The following EIF4H variants were observed in gnomAD, a reference collection of about 807,000 sequenced individuals.
EIF4H encodes the protein Williams-Beuren syndrome chromosome region 1.
Under a neutral mutation model 30.6 loss-of-function variants are expected in EIF4H, and 8 were observed. That is an observed-to-expected ratio of 0.26 (90% CI 0.15 to 0.47). The LOEUF is 0.47. Ranked by LOEUF, EIF4H falls within the 20% of genes least tolerant of loss-of-function variation. The pLI, the probability that EIF4H is intolerant of heterozygous loss-of-function variation, is 0.99. For synonymous variants in EIF4H, 106 were observed against 122.7 expected, an observed-to-expected ratio of 0.86 and a Z score of 0.90; for missense variants, 188 against 339.5, an observed-to-expected ratio of 0.55 and a Z score of 3.51.
intron 5 of EIF4H, among the ~76,000 whole-genome samples, chr7:74,194,092 G>A (rs577330647): frequency 6.6e-6 from 1 of 152,322 alleles, no homozygotes; most frequent in South Asian, 2.1e-4. Flanking sequence ...AATGAATGGG[G>A]AAAGAACGCT....
intron 1 of EIF4H, chr7:74,183,878 C>G (rs1801021953): frequency 6.6e-6 from 1 of 152,392 alleles, no homozygotes; most frequent in East Asian, 1.9e-4. Context: ...CTCCATGGCC[C>G]AGCCCTGCTG....
intron 1 of EIF4H, among the ~76,000 whole-genome samples, chr7:74,180,851 A>G (rs1321759434): frequency 3.3e-5 from 5 of 152,346 alleles, no homozygotes; most frequent in African/African-American, 1.2e-4. Context: ...AAAGGATTAC[A>G]TCTTGGCCTT....
intron 5 of EIF4H, among the ~76,000 whole-genome samples, chr7:74,193,254 G>A (rs1046802490): frequency 1.2e-4 from 18 of 152,182 alleles, no homozygotes; most frequent in Admixed American, 3.9e-4. Context: ...GACACTCATC[G>A]TGAAAAGACT....
At chr7:74,174,831 C>T (rs1355250977) in intron 1 of EIF4H, among the ~76,000 whole-genome samples, 2 of 152,246 alleles carry the variant, frequency 1.3e-5, no homozygotes, top group East Asian at 1.9e-4. Context: ...TGCCCCGCTC[C>T]GGTCCCGGCC....
chr7:74,189,017 C>T (rs183453231), intron 2 of EIF4H, among the ~76,000 whole-genome samples: 2 of 152,034 alleles, frequency 1.3e-5, no homozygotes, highest in Admixed American at 6.6e-5. Context: ...AGGGCAAGGA[C>T]GCTGGGGGAG....
At chr7:74,181,324 CT>C (rs1800955999) in intron 1 of EIF4H, among the ~76,000 whole-genome samples, 1 of 152,064 alleles carries the variant, frequency 6.6e-6, no homozygotes, top group Non-Finnish European at 1.5e-5. Context: ...TAATCCTCAT[CT>C]TTGTGTTGGT....
intron 1 of EIF4H, among the ~76,000 whole-genome samples, chr7:74,176,825 A>C (rs1800852940): frequency 6.6e-6 from 1 of 152,194 alleles, no homozygotes; most frequent in African/African-American, 2.4e-5. Context: ...CAAAATTCCA[A>C]ATGATCAAGA....
At position 74,197,007 on chromosome 7, in the gene EIF4H, T is replaced by A. The variant is rs1157450219; in HGVS notation, c.*1699T>A. 1 of 152,478 alleles carries A rather than the reference T, an allele frequency of 6.6e-6. No individual in the cohort carries two copies. Among genetic ancestry groups the A allele is most frequent in the Non-Finnish European group, 1.5e-5 (1 of 67,994 alleles). The allele number at this position is 152,478 out of a possible 1,614,324, so 9.4% of individuals were successfully genotyped here. A position where few individuals can be genotyped will look rare whatever the true frequency, so the allele number is the denominator to read the frequency against. ...AATGTAAGAATGGAATTCCAAACAC[T>A]TAACACATTCAGCTATATGACAGAA... On this transcript the variant is annotated 3_prime_UTR_variant, in exon 7 of 7. Coordinates refer to ENST00000265753, the MANE Select transcript of EIF4H (RefSeq NM_022170.2).
At chr7:74,191,655 G>T (rs1554709981) in intron 5 of EIF4H, among the ~76,000 whole-genome samples, 1 of 152,110 alleles carries the variant, frequency 6.6e-6, no homozygotes, top group African/African-American at 2.4e-5. Context: ...TAGAGCAACA[G>T]AAAAGTACCA....
chr7:74,178,481 T>C (rs1466167859), intron 1 of EIF4H, among the ~76,000 whole-genome samples: 3 of 151,066 alleles, frequency 2.0e-5, no homozygotes, highest in African/African-American at 7.3e-5. Context: ...GAGGCGGAGG[T>C]TGCATTGAGC....
rs1267134129 is a variant in EIF4H at position 74,196,347 on chromosome 7, T to C, written c.*1039T>C. ...CCCTTCAGTTCAGAGCCAAAATGGG[T>C]CTAGAATCTGGCACTTTACTCATTT... On this transcript the variant is annotated 3_prime_UTR_variant, in exon 7 of 7. Coordinates refer to ENST00000265753, the MANE Select transcript of EIF4H (RefSeq NM_022170.2). 2.6e-5 allele frequency: 4 copies of C among 152,636 alleles called. No individual in the cohort carries two copies. The highest frequency in any genetic ancestry group is 5.9e-5 in the Non-Finnish European group (4 of 68,058). 9.5% of individuals were successfully genotyped at this position (152,636 alleles called of 1,614,324 possible).
intron 1 of EIF4H, among the ~76,000 whole-genome samples, chr7:74,175,863 T>A (rs1444864750): frequency 6.6e-6 from 1 of 152,132 alleles, no homozygotes; most frequent in Non-Finnish European, 1.5e-5. Context: ...TGTGGGGATT[T>A]AAAAAAATTT....
chr7:74,192,695 T>TG lies in EIF4H; in HGVS notation c.470-2045dup, dbSNP rs1324663990. 1.1e-3 allele frequency among the ~76,000 whole-genome samples: 138 copies of TG among 124,818 alleles called. 6 individuals are homozygous for TG. Among genetic ancestry groups the TG allele is most frequent in the South Asian group, 2.3e-3 (9 of 3,942 alleles). The allele number at this position is 124,818 out of a possible 152,430, so 81.9% of individuals were successfully genotyped here. On this transcript the variant is annotated intron_variant, in intron 5 of 6. Transcript: ENST00000265753. ...TTTTTTTTTTTCTTTTTTTTTTTTT[T>TG]GAGACAGAGGCTCACTCTGTTGCCC...
intron 1 of EIF4H, among the ~76,000 whole-genome samples, chr7:74,183,486 A>T (rs1327412678): frequency 6.6e-6 from 1 of 152,236 alleles, no homozygotes; most frequent in Non-Finnish European, 1.5e-5. Context: ...AATATAACAG[A>T]CAAGAAAACA....
rs1215941673 is a variant in EIF4H, at chr7:74,186,795, T to A, written c.60-816T>A. 3.8e-3 allele frequency among the ~76,000 whole-genome samples: 29 copies of A among 7,568 alleles called. 10 individuals carry two copies. The highest frequency in any genetic ancestry group is 0.017 in the African/African-American group (16 of 938). The allele number at this position is 7,568 out of a possible 152,430, so 5.0% of individuals were successfully genotyped here. ...ATCAGGCAACAAGGAGAAATTTTTT[T>A]TTTTTTTTTTTTTTTTTTTTTTTTT... On this transcript the variant is annotated intron_variant, in intron 1 of 6. Transcript: ENST00000265753.
In EIF4H at chr7:74,174,397, A is replaced by G; in HGVS notation, c.14A>G (p.Asp5Gly). 6.9e-6 allele frequency: 10 copies of G among 1,459,446 alleles called. No homozygotes were observed. Among genetic ancestry groups the G allele is most frequent in the Non-Finnish European group, 9.2e-6 (10 of 1,091,998 alleles). 90.4% of individuals were successfully genotyped at this position (1,459,446 alleles called of 1,614,324 possible). Residue 5 changes from aspartate to glycine, a missense_variant, in exon 1 of 7, where the codon GAC becomes GGC. Physicochemically the swap from Asp to Gly is moderately conservative, Grantham distance 94. Around this residue, in one of 4 missense-constraint regions of EIF4H, gnomAD observed 43 missense variants for 43.4 expected, o/e 0.99. Transcript: ENST00000265753. MADF[D>G]TYDDRAYSSF... ...CGGAGACGGCAAATGGCGGACTTCGACACCTACGACGATCGGGCCTACAGC... is the reference window on the plus strand; with the variant it reads ...CGGAGACGGCAAATGGCGGACTTCGGCACCTACGACGATCGGGCCTACAGC...
intron 1 of EIF4H, 117 bp downstream of exon 1, chr7:74,174,559 G>A: frequency 9.9e-7 from 1 of 1,006,454 alleles, no homozygotes; most frequent in African/African-American, 1.7e-5. Context: ...GCCCGCGGAG[G>A]CCTAGGAGCG....
rs1563957686 is a variant in EIF4H, at chr7:74,196,811, T to A, written c.*1503T>A. 6.6e-6 allele frequency: 1 copy of A among 151,930 alleles called. No individual in the cohort carries two copies. Among genetic ancestry groups the A allele is most frequent in the Non-Finnish European group, 1.5e-5 (1 of 67,976 alleles). 9.4% of individuals were successfully genotyped at this position (151,930 alleles called of 1,614,324 possible). On this transcript the variant is annotated 3_prime_UTR_variant, in exon 7 of 7. Transcript: ENST00000265753. ...CCTTCCACCTGTCAGCTTCTCTGCTTCTGAGATAAGAACCATTTGTGTAAC... is the reference window on the plus strand; with the variant it reads ...CCTTCCACCTGTCAGCTTCTCTGCTACTGAGATAAGAACCATTTGTGTAAC...
chr7:74,192,244 T>TG (rs782683210), intron 5 of EIF4H, among the ~76,000 whole-genome samples: 33 of 152,308 alleles, frequency 2.2e-4, no homozygotes, highest in Non-Finnish European at 4.4e-4. Flanking sequence ...CAGTTTAGTT[T>TG]GGGGGAAACG....
Sources: allele counts gnomAD v4.1 joint callset (sites outside exome capture counted in the v4.1 genomes callset), GRCh38; gene constraint gnomAD v4.1.1; regional missense constraint gnomAD v4.1.1; transcripts MANE v1.5; gene names NCBI Gene and HGNC (gene_info 2026-07-23, HGNC 2026-07-21).